GLI2: variants seen among roughly 807,000 people sequenced by gnomAD.
GLI2 encodes the protein transcription activator GLI2.
GLI2 carries 22 observed loss-of-function variants against 78.9 expected under a neutral mutation model. The ratio of observed to expected loss-of-function variants is 0.28; its 90% confidence interval spans 0.20 to 0.40. The LOEUF is 0.40. GLI2 is among the 10% of genes least tolerant of loss of function. The probability of loss-of-function intolerance (pLI) is 1.00; values close to 1 mark genes in which losing one functional copy is unlikely to be tolerated. For missense variants in GLI2, 2,097 were observed against 2,213.2 expected (o/e 0.95, Z 1.05); for synonymous variants, 974 against 963.7 (o/e 1.01, Z -0.20).
chr2:120,945,905 C>A (rs1374866978), intron 3 of GLI2, among the ~76,000 whole-genome samples: 1 of 151,342 alleles, frequency 6.6e-6, no homozygotes, highest in Non-Finnish European at 1.5e-5. Context: ...TCAATATAGA[C>A]CCAGCCCAAA....
At position 120,992,570 on chromosome 2, in the gene GLI2, G is replaced by C. The variant is rs76865566; in HGVS notation, c.*1895G>C. The C allele has an allele frequency of 6.6e-6, 1 of 152,152 alleles. No individual in the cohort carries two copies. The highest frequency in any genetic ancestry group is 6.5e-5 in the Admixed American group (1 of 15,282). The allele number at this position is 152,152 out of a possible 1,614,324, so 9.4% of individuals were successfully genotyped here. A position where few individuals can be genotyped will look rare whatever the true frequency, so the allele number is the denominator to read the frequency against. On this transcript the variant is annotated 3_prime_UTR_variant, in exon 14 of 14. Transcript: ENST00000361492. ...CCTGGGCAGTAAATTTGGTGCATTC[G>C]AGCAGAAATTAGGCTGTATTTTTTC...
At chr2:120,874,456 G>A (rs149664618) in intron 2 of GLI2, among the ~76,000 whole-genome samples, 149 of 152,324 alleles carry the variant, frequency 9.8e-4, no homozygotes, top group African/African-American at 3.4e-3. Flanking sequence ...CGCAGCCCCC[G>A]TCTGTGCGCA....
chr2:120,890,888 G>A (rs1300930360), intron 2 of GLI2, among the ~76,000 whole-genome samples: 3 of 152,218 alleles, frequency 2.0e-5, no homozygotes, highest in African/African-American at 7.2e-5. Context: ...TACCCAGGTA[G>A]TGGGGAGGAG....
Position 120,951,258 on chromosome 2 carries a change from C to A in GLI2, c.270C>A (p.Ser90Arg). ...VHGVHGPPAL[S>R]GSPVISDISL... ...GTCTCTGCAGGCCCCCTGCCCTCAG[C>A]GGCAGCCCTGTCATCTCTGACATCT... Residue 90 changes from serine (S) to arginine (R), a missense_variant, in exon 4 of 14, where the codon AGC becomes AGA. Ser to Arg is a moderately radical substitution (Grantham distance 110, BLOSUM62 -1). Transcript: ENST00000361492. The A allele has an allele frequency of 6.2e-7, 1 of 1,608,224 alleles. No individual in the cohort carries two copies. Among genetic ancestry groups the A allele is most frequent in the Non-Finnish European group, 8.5e-7 (1 of 1,174,858 alleles).
chr2:120,921,393 A>G (rs1163269137), intron 2 of GLI2, among the ~76,000 whole-genome samples: 1 of 152,042 alleles, frequency 6.6e-6, no homozygotes, highest in African/African-American at 2.4e-5. Context: ...GGCCACAAAG[A>G]TGAGCCAGCA....
intron 2 of GLI2, among the ~76,000 whole-genome samples, chr2:120,810,649 G>A (rs1685192520): frequency 6.6e-6 from 1 of 152,208 alleles, no homozygotes; most frequent in African/African-American, 2.4e-5. Context: ...GGAGACAGCA[G>A]TGCCTTGGCC....
chr2:120,836,208 C>T (rs530857406), intron 2 of GLI2, among the ~76,000 whole-genome samples: 2 of 152,156 alleles, frequency 1.3e-5, no homozygotes, highest in East Asian at 1.9e-4. Context: ...CCAGGAGTAG[C>T]GTCAGACCAG....
At chr2:120,809,894 C>T (rs894492154) in intron 2 of GLI2, among the ~76,000 whole-genome samples, 42 of 152,184 alleles carry the variant, frequency 2.8e-4, no homozygotes, top group African/African-American at 1.0e-3. Context: ...TCCTTTATCA[C>T]CAGATTACAT....
intron 1 of GLI2, among the ~76,000 whole-genome samples, chr2:120,736,907 C>T (rs1682378996): frequency 1.3e-5 from 2 of 149,982 alleles, no homozygotes; most frequent in Admixed American, 1.3e-4. Flanking sequence ...CTCCTCCTCT[C>T]CTGCCCTCGG....
chr2:120,968,731 C>T lies in GLI2; in HGVS notation c.661C>T (p.Pro221Ser), dbSNP rs771675078. Residue 221 changes from proline to serine, a missense_variant, in exon 6 of 14, where the codon CCG becomes TCG. By Grantham distance (74) the Pro-to-Ser change is moderately conservative. Coordinates refer to ENST00000361492, the MANE Select transcript of GLI2 (RefSeq NM_001374353.1). ...TCCCACAGTGTCCCGTTTCTCCAGC[C>T]CGCGGGTGACGCCCCGCCTGAGCCG... is the stretch of plus-strand genomic sequence containing the variant. ...NPVDVSRFSS[P>S]RVTPRLSRKR... The T allele has an allele frequency of 4.7e-5, 76 of 1,613,256 alleles. No individual in the cohort carries two copies. Among genetic ancestry groups the T allele is most frequent in the Non-Finnish European group, 3.8e-5 (45 of 1,179,680 alleles).
At position 120,990,254 on chromosome 2, in the gene GLI2, A is replaced by T; in HGVS notation, c.4289A>T (p.Tyr1430Phe). The change falls in exon 14 of 14, where the codon TAC (tyrosine) becomes TTC (phenylalanine). Residue 1430 changes from tyrosine (Y) to phenylalanine (F), a missense_variant. This residue lies in a region of GLI2 where 1,290 missense variants were observed against 1,261.7 expected (regional missense o/e 1.02). Transcript: ENST00000361492. The stretch of plus-strand genomic sequence containing the variant: ...GCCCCGGACCACAGCATGCTCTACT[A>T]CTACGGCCAGATCCACATGTACGAA... ...GGAPDHSMLYYYGQIHMYEQD... is the reference protein window; with the variant it reads ...GGAPDHSMLYFYGQIHMYEQD... 6.2e-7 allele frequency: 1 copy of T among 1,613,700 alleles called. No individual in the cohort carries two copies. The highest frequency in any genetic ancestry group is 8.5e-7 in the Non-Finnish European group (1 of 1,180,026).
intron 2 of GLI2, among the ~76,000 whole-genome samples, chr2:120,857,926 G>A (rs536620677): frequency 1.7e-4 from 26 of 152,054 alleles, no homozygotes; most frequent in Non-Finnish European, 3.7e-4. Flanking sequence ...TCAGAGTTGC[G>A]GTTGCTTCTA....
intron 2 of GLI2, among the ~76,000 whole-genome samples, chr2:120,829,075 T>C (rs931348499): frequency 7.1e-6 from 1 of 140,890 alleles, no homozygotes; most frequent in African/African-American, 2.6e-5. Flanking sequence ...TACGCATGCA[T>C]GCACACAGGG....
chr2:120,753,074 GT>G (rs142854951), intron 1 of GLI2, among the ~76,000 whole-genome samples: 7 of 133,700 alleles, frequency 5.2e-5, no homozygotes, highest in East Asian at 2.1e-4. Flanking sequence ...AAGGGTGGGT[GT>G]TTTTTTTTTC....
intron 2 of GLI2, among the ~76,000 whole-genome samples, chr2:120,901,433 G>A (rs762700442): frequency 6.6e-6 from 1 of 152,150 alleles, no homozygotes; most frequent in African/African-American, 2.4e-5. Context: ...CTGTTTGGCC[G>A]GCCCATATGA....
chr2:120,987,679 G>A (rs1231496847), intron 13 of GLI2, among the ~76,000 whole-genome samples: 2 of 152,188 alleles, frequency 1.3e-5, no homozygotes, highest in East Asian at 3.9e-4. Context: ...CACAGACTGT[G>A]AGGGTACTGT....
chr2:120,910,015 C>T (rs1313909461), intron 2 of GLI2, among the ~76,000 whole-genome samples: 1 of 152,188 alleles, frequency 6.6e-6, no homozygotes, highest in African/African-American at 2.4e-5. Context: ...CGTGTAGGCC[C>T]AGCTGGGGGT....
At chr2:120,751,379 G>T (rs1161202244) in intron 1 of GLI2, among the ~76,000 whole-genome samples, 1 of 151,438 alleles carries the variant, frequency 6.6e-6, no homozygotes, top group Non-Finnish European at 1.5e-5. Flanking sequence ...AGATTGTATG[G>T]TTTACAGTTT....
intron 2 of GLI2, among the ~76,000 whole-genome samples, chr2:120,824,636 T>C (rs1685952300): frequency 6.6e-6 from 1 of 152,210 alleles, no homozygotes; most frequent in Non-Finnish European, 1.5e-5. Context: ...AAACTGACTC[T>C]GAGGAGGTCA....
Sources: gnomAD v4.1 joint callset for allele counts (sites outside exome capture counted in the v4.1 genomes callset) on GRCh38, gnomAD v4.1.1 for gene constraint, gnomAD v4.1.1 regional missense constraint, MANE v1.5 for transcripts, NCBI Gene and HGNC (gene_info 2026-07-23, HGNC 2026-07-21) for gene names.